Variants in ABL1 observed in about 807,000 individuals in gnomAD.
ABL1 encodes ABL proto-oncogene 1, non-receptor tyrosine kinase, also known as tyrosine-protein kinase ABL1.
In ABL1, 11 loss-of-function variants were observed where a neutral mutation model predicts 94.7. That is an observed-to-expected ratio of 0.12 (90% CI 0.07 to 0.19). The LOEUF is 0.19. Among genes scored for constraint, ABL1 ranks in the 10% least tolerant of loss-of-function variants. ABL1 has a pLI of 1.00. For missense variants in ABL1, 1,082 were observed against 1,489.4 expected, an observed-to-expected ratio of 0.73 and a Z score of 4.50; for synonymous variants, 656 against 622.4, an observed-to-expected ratio of 1.05 and a Z score of -0.80.
At chr9:130,813,907 C>G in intron 1 of ABL1, among the ~76,000 whole-genome samples, 1 of 152,156 alleles carries the variant, frequency 6.6e-6, no homozygotes, top group East Asian at 1.9e-4. Context: ...CAGAAAAGAA[C>G]AAAGGTCCCA....
At position 130,879,388 on chromosome 9, in the gene ABL1, T is replaced by C. The variant is rs369858387; in HGVS notation, c.1424-680T>C. Reference sequence around the variant, plus strand: ...ATAGCTGCCCAGTACTCCATTTCACTCATTCATCCGGTCCTCTTTTGATGT... The same window carrying C: ...ATAGCTGCCCAGTACTCCATTTCACCCATTCATCCGGTCCTCTTTTGATGT... On this transcript the variant is annotated intron_variant, in intron 8 of 10. Coordinates refer to ENST00000318560, the MANE Select transcript of ABL1 (RefSeq NM_005157.6). Among the ~76,000 whole-genome samples the C allele has an allele frequency of 8.5e-5, 13 of 152,346 alleles. No individual in the cohort carries two copies. The South Asian group carries it at 2.1e-3, about 24-fold the overall frequency.
chr9:130,765,517 A>G (rs1832172108), intron 1 of ABL1, among the ~76,000 whole-genome samples: 1 of 152,160 alleles, frequency 6.6e-6, no homozygotes, highest in Admixed American at 6.5e-5. Context: ...AAATTCCTAG[A>G]AGTGGAATTT....
intron 1 of ABL1, among the ~76,000 whole-genome samples, chr9:130,845,427 C>T (rs899653314): frequency 1.3e-5 from 2 of 152,092 alleles, no homozygotes; most frequent in East Asian, 1.9e-4. Context: ...CTGCAACCTC[C>T]ACCTTCCGGG....
At chr9:130,794,724 A>G (rs11244143) in intron 1 of ABL1, among the ~76,000 whole-genome samples, 37,460 of 152,036 alleles carry the variant, frequency 0.25, 6,151 homozygotes, top group African/African-American at 0.48. Flanking sequence ...AGATTATGTT[A>G]CCCCGAGAAA....
intron 6 of ABL1, among the ~76,000 whole-genome samples, chr9:130,874,042 A>G (rs1471758619): frequency 1.3e-5 from 2 of 152,174 alleles, no homozygotes; most frequent in African/African-American, 4.8e-5. Flanking sequence ...TCTTCATTCA[A>G]GCGAACTTAA....
rs555136663 is a variant in ABL1, at chr9:130,775,884, C to T, written c.136+61429C>T. 5.1e-4 allele frequency among the ~76,000 whole-genome samples: 78 copies of T among 152,204 alleles called. 1 individual carries two copies. Among genetic ancestry groups the T allele is most frequent in the African/African-American group, 1.6e-3 (66 of 41,534 alleles). The stretch of plus-strand genomic sequence containing the variant: ...CTCAAAGGAGACTTCTCTACAGCAA[C>T]GATGGAAACCAGAAAGAAGACAGTG... On this transcript the variant is annotated intron_variant, in intron 1 of 10. Transcript: ENST00000372348.
intron 1 of ABL1, among the ~76,000 whole-genome samples, chr9:130,781,110 A>T (rs1245892961): frequency 1.3e-5 from 2 of 152,268 alleles, no homozygotes; most frequent in African/African-American, 4.8e-5. Flanking sequence ...AATGGCCCCA[A>T]ACAGAAACTT....
chr9:130,834,204 C>G (rs1233701161), upstream of ABL1, among the ~76,000 whole-genome samples: 2 of 152,178 alleles, frequency 1.3e-5, no homozygotes, highest in African/African-American at 4.8e-5. Context: ...TAACATGGCA[C>G]ATAGGAAGAG....
chr9:130,723,389 T>TA (rs1479413280), intron 1 of ABL1, among the ~76,000 whole-genome samples: 5 of 151,986 alleles, frequency 3.3e-5, no homozygotes, highest in Non-Finnish European at 7.4e-5. Flanking sequence ...GTACTAAAAA[T>TA]AAAAAAGTTA....
intron 1 of ABL1, among the ~76,000 whole-genome samples, chr9:130,749,208 A>G (rs543548038): frequency 6.6e-6 from 1 of 152,174 alleles, no homozygotes; most frequent in African/African-American, 2.4e-5. Flanking sequence ...CTGTTGATTG[A>G]GTTCTTGTAG....
chr9:130,808,674 T>C (rs1408451419), intron 1 of ABL1, among the ~76,000 whole-genome samples: 1 of 152,220 alleles, frequency 6.6e-6, no homozygotes, highest in Non-Finnish European at 1.5e-5. Flanking sequence ...AACACTTCTG[T>C]GGTGAGACTG....
chr9:130,778,649 GC>G (rs1423097027), intron 1 of ABL1, among the ~76,000 whole-genome samples: 1 of 151,558 alleles, frequency 6.6e-6, no homozygotes, highest in Non-Finnish European at 1.5e-5. Context: ...AGCAATGCTT[GC>G]CCATCCACTT....
intron 1 of ABL1, among the ~76,000 whole-genome samples, chr9:130,777,463 C>G (rs1444167648): frequency 2.0e-5 from 3 of 148,844 alleles, no homozygotes; most frequent in Non-Finnish European, 4.5e-5. Flanking sequence ...TGTGTTGGGA[C>G]ACTGACTCAC....
intron 1 of ABL1, among the ~76,000 whole-genome samples, chr9:130,733,049 A>T (rs1182516767): frequency 1.3e-5 from 2 of 152,220 alleles, no homozygotes; most frequent in African/African-American, 4.8e-5. Flanking sequence ...TATTTGTATG[A>T]GAATAAGAGG....
At chr9:130,767,212 C>A (rs1459705735) in intron 1 of ABL1, among the ~76,000 whole-genome samples, 1 of 152,220 alleles carries the variant, frequency 6.6e-6, no homozygotes, top group Non-Finnish European at 1.5e-5. Context: ...CTTTGCAGCT[C>A]ATGCCATCTG....
rs1424623631 is a variant in ABL1 at position 130,835,552 on chromosome 9, T to C, written c.79+27T>C. On this transcript the variant is annotated intron_variant, in intron 1 of 10. Coordinates refer to ENST00000318560, the MANE Select transcript of ABL1 (RefSeq NM_005157.6). This position sits in a 1 kb window ranked among gnomAD's most constrained non-coding sequence, Gnocchi z 4.6. ...TAAGCCCGGGCCGCACGGGTTGGGC[T>C]GAGTAGCCGCGCGCCCTCCCGCTGC... 6.5e-7 allele frequency: 1 copy of C among 1,540,338 alleles called. No individual in the cohort carries two copies. Among genetic ancestry groups the C allele is most frequent in the South Asian group, 1.2e-5 (1 of 83,730 alleles).
intron 1 of ABL1, among the ~76,000 whole-genome samples, chr9:130,719,631 T>G (rs190608025): frequency 6.6e-6 from 1 of 152,358 alleles, no homozygotes; most frequent in Admixed American, 6.5e-5. Context: ...TTAAGTTGTG[T>G]CTGAAGACAA....
chr9:130,842,376 A>C (rs970079733), intron 1 of ABL1, among the ~76,000 whole-genome samples: 8 of 152,216 alleles, frequency 5.3e-5, no homozygotes, highest in African/African-American at 1.9e-4. Context: ...AAGTTGCATA[A>C]ACTTTAACCT....
At chr9:130,839,529 A>G (rs952226117) in intron 1 of ABL1, among the ~76,000 whole-genome samples, 2 of 152,194 alleles carry the variant, frequency 1.3e-5, no homozygotes, top group Non-Finnish European at 2.9e-5. Flanking sequence ...TGAGCACATC[A>G]TGTGCAGCCT....
Sources: allele counts gnomAD v4.1 joint callset (sites outside exome capture counted in the v4.1 genomes callset), GRCh38; gene constraint gnomAD v4.1.1; non-coding constraint Gnocchi (gnomAD v3.1); transcripts MANE v1.5; gene names NCBI Gene and HGNC (gene_info 2026-07-23, HGNC 2026-07-21).